EPC1: variants seen among roughly 807,000 people sequenced by gnomAD.
The protein encoded by EPC1 is enhancer of polycomb 1.
A neutral mutation model predicts 98.4 loss-of-function variants in EPC1; 12 were observed. The observed-to-expected ratio is 0.12, with a 90% CI of 0.08 to 0.20. EPC1 has a LOEUF of 0.20. EPC1 is among the 10% of genes least tolerant of loss of function. EPC1 has a pLI of 1.00. For missense variants in EPC1, 729 were observed against 990.5 expected (o/e 0.74, Z 3.54); for synonymous variants, 357 against 363.9 (o/e 0.98, Z 0.21).
At chr10:32,326,414 T>C (rs1168443947) in intron 1 of EPC1, among the ~76,000 whole-genome samples, 11 of 152,154 alleles carry the variant, frequency 7.2e-5, no homozygotes, top group Non-Finnish European at 1.6e-4. Context: ...TGTATCACCC[T>C]GGTTCCCCTG....
intron 1 of EPC1, among the ~76,000 whole-genome samples, chr10:32,368,789 T>C (rs527535314): frequency 6.6e-6 from 1 of 152,304 alleles, no homozygotes; most frequent in South Asian, 2.1e-4. Flanking sequence ...GAAATCAGGT[T>C]TGTCTAAGAA....
At position 32,278,360 on chromosome 10, in the gene EPC1, G is replaced by T. The variant is rs1474341722; in HGVS notation, c.1745-5079C>A. On this transcript the variant is annotated intron_variant, in intron 10 of 13. Transcript: ENST00000319778. ...CCTAGCCCCTCAAAATGTATACTTT[G>T]GTTTTTTTTTGTTTTTTTTTTTTTG... 7.0e-5 allele frequency among the ~76,000 whole-genome samples: 10 copies of T among 143,418 alleles called. No homozygotes were observed. In the East Asian group the frequency reaches 8.4e-4, roughly 12 times the overall value. 94.1% of individuals were successfully genotyped at this position (143,418 alleles called of 152,430 possible).
intron 2 of EPC1, among the ~76,000 whole-genome samples, chr10:32,297,932 G>A (rs1395142664): frequency 6.6e-6 from 1 of 152,000 alleles, no homozygotes; most frequent in East Asian, 1.9e-4. Flanking sequence ...CGAGTAGCTG[G>A]GACTACAGGC....
chr10:32,333,814 G>A (rs150734468), intron 1 of EPC1, among the ~76,000 whole-genome samples: 7 of 152,300 alleles, frequency 4.6e-5, no homozygotes, highest in African/African-American at 1.2e-4. Flanking sequence ...AGTAACGGGC[G>A]TATCTCAAAT....
intron 1 of EPC1, among the ~76,000 whole-genome samples, chr10:32,321,361 T>C (rs777842534): frequency 9.9e-5 from 15 of 152,046 alleles, no homozygotes; most frequent in Non-Finnish European, 2.1e-4. Context: ...TGTTTTTTTT[T>C]CAGAGATGGG....
intron 1 of EPC1, 171 bp downstream of exon 1, chr10:32,346,583 GGGCCGCGGC>G (rs1838833692): frequency 3.1e-6 from 2 of 644,806 alleles, no homozygotes; most frequent in Non-Finnish European, 5.3e-6. Flanking sequence ...GGGCCCCGCT[GGGCCGCGGC>G]GGCCGGGGGT....
intron 1 of EPC1, among the ~76,000 whole-genome samples, chr10:32,327,062 GACACACACACACACACAC>G (rs57395657): frequency 7.0e-6 from 1 of 142,268 alleles, no homozygotes; most frequent in African/African-American, 2.6e-5. Context: ...AAAATGTGGT[GACACACACACACACACAC>G]ACACACACAC....
intron 1 of EPC1, among the ~76,000 whole-genome samples, chr10:32,334,456 T>TAA (rs55976619): frequency 2.5e-4 from 36 of 146,310 alleles, no homozygotes; most frequent in African/African-American, 8.3e-4. Flanking sequence ...ATATAACAGC[T>TAA]AAAAAAAAAA....
chr10:32,356,129 G>A (rs998764387), intron 1 of EPC1, among the ~76,000 whole-genome samples: 11 of 152,276 alleles, frequency 7.2e-5, no homozygotes, highest in Admixed American at 3.9e-4. Context: ...GAAGGGCTTC[G>A]AGAGAGAAAA....
intron 2 of EPC1, among the ~76,000 whole-genome samples, chr10:32,297,931 G>A (rs1835270363): frequency 6.6e-6 from 1 of 152,052 alleles, no homozygotes; most frequent in Admixed American, 6.5e-5. Flanking sequence ...CCGAGTAGCT[G>A]GGACTACAGG....
Position 32,271,697 on chromosome 10 carries a change from A to G in EPC1, c.2226T>C (p.Thr742=). Residue 742 remains threonine (T), a synonymous_variant, in exon 13 of 14, where the codon ACT becomes ACC. Coordinates refer to ENST00000319778, the MANE Select transcript of EPC1 (RefSeq NM_001272004.3). ...IRLTVPSSVA[T]VNSIAPINAR... ...CATTTATTGGGGCAATAGAGTTTACAGTGGCAACTGATGAAGGTACAGTTA... is the reference window on the plus strand; with the variant it reads ...CATTTATTGGGGCAATAGAGTTTACGGTGGCAACTGATGAAGGTACAGTTA... The G allele has an allele frequency of 6.2e-7, 1 of 1,614,240 alleles. No individual in the cohort carries two copies. The highest frequency in any genetic ancestry group is 1.7e-5 in the Admixed American group (1 of 60,022).
chr10:32,297,436 C>T (rs375743708), intron 2 of EPC1, among the ~76,000 whole-genome samples: 4 of 152,056 alleles, frequency 2.6e-5, no homozygotes, highest in African/African-American at 9.6e-5. Context: ...CACATGTCTG[C>T]CACCACGCCC....
intron 1 of EPC1, among the ~76,000 whole-genome samples, chr10:32,368,923 T>G (rs1304528278): frequency 6.6e-6 from 1 of 152,180 alleles, no homozygotes; most frequent in African/African-American, 2.4e-5. Flanking sequence ...ATTACTTTGT[T>G]TGATAGAAGA....
chr10:32,269,269 G>A, intron 13 of EPC1, 134 bp from the exon 14 acceptor site: 1 of 644,088 alleles, frequency 1.6e-6, no homozygotes, highest in East Asian at 2.9e-5. Context: ...CTAGCAAGTA[G>A]AGGAATACGA....
chr10:32,375,064 CTT>C (rs1403401984), intron 1 of EPC1, among the ~76,000 whole-genome samples: 1 of 152,034 alleles, frequency 6.6e-6, no homozygotes, highest in Non-Finnish European at 1.5e-5. Flanking sequence ...TCATTTTCCT[CTT>C]GTTTTCTTTT....
In EPC1 at chr10:32,279,326, C is replaced by T. The variant is rs550894963; in HGVS notation, c.1744+5372G>A. Among the ~76,000 whole-genome samples, 10 of 146,344 alleles carry T rather than the reference C, an allele frequency of 6.8e-5. No homozygotes were observed. In the East Asian group the frequency reaches 8.0e-4, roughly 12 times the overall value. On this transcript the variant is annotated intron_variant, in intron 10 of 13. Coordinates refer to ENST00000319778, the MANE Select transcript of EPC1 (RefSeq NM_001272004.3). ...TCGTGCTACTGCACTCCAGCCTGGG[C>T]GACAGAGTGAGACTCTGTCTTAAAA... is the stretch of plus-strand genomic sequence containing the variant.
intron 1 of EPC1, among the ~76,000 whole-genome samples, chr10:32,339,402 G>A (rs753015968): frequency 3.3e-5 from 5 of 151,986 alleles, no homozygotes; most frequent in Non-Finnish European, 7.4e-5. Context: ...TAAATTAGCT[G>A]GGCATGGTGG....
At chr10:32,373,950 C>T (rs1839819123) in intron 1 of EPC1, among the ~76,000 whole-genome samples, 2 of 152,134 alleles carry the variant, frequency 1.3e-5, no homozygotes, top group African/African-American at 4.8e-5. Flanking sequence ...TAATATAACA[C>T]ACCTAGCTAC....
At chr10:32,346,591 G>A (rs927778595) in intron 1 of EPC1, 172 bp downstream of exon 1, 1 of 665,450 alleles carries the variant, frequency 1.5e-6, no homozygotes, top group Non-Finnish European at 2.5e-6. Context: ...CTGGGCCGCG[G>A]CGGCCGGGGG....
Sources: allele counts gnomAD v4.1 joint callset (sites outside exome capture counted in the v4.1 genomes callset), GRCh38; gene constraint gnomAD v4.1.1; transcripts MANE v1.5; gene names NCBI Gene and HGNC (gene_info 2026-07-23, HGNC 2026-07-21).